Variants in GRIK1 observed in about 807,000 individuals in gnomAD.
GRIK1 encodes glutamate ionotropic receptor kainate type subunit 1, also known as glutamate receptor ionotropic, kainate 1.
Under a neutral mutation model 105.7 loss-of-function variants are expected in GRIK1, and 69 were observed. The observed-to-expected ratio is 0.65, with a 90% CI of 0.54 to 0.80. The LOEUF (loss-of-function observed/expected upper bound fraction) is 0.80, where lower values mean the gene tolerates loss of function less well. GRIK1 is among the 30% of genes least tolerant of loss of function. The probability of loss-of-function intolerance (pLI) is 0.00; values close to 1 mark genes in which losing one functional copy is unlikely to be tolerated. For synonymous variants in GRIK1, 438 were observed against 431.3 expected, an observed-to-expected ratio of 1.02 and a Z score of -0.19; for missense variants, 1,109 against 1,167.3, an observed-to-expected ratio of 0.95 and a Z score of 0.73.
intron 1 of GRIK1, among the ~76,000 whole-genome samples, chr21:29,895,075 G>T (rs1305332010): frequency 6.6e-6 from 1 of 152,140 alleles, no homozygotes; most frequent in East Asian, 1.9e-4. Context: ...GTGGCAGGGG[G>T]CTCAGAAAAG....
At chr21:29,822,194 A>C (rs1183179603) in intron 1 of GRIK1, among the ~76,000 whole-genome samples, 1 of 152,070 alleles carries the variant, frequency 6.6e-6, no homozygotes, top group Non-Finnish European at 1.5e-5. Flanking sequence ...TAATGCAACC[A>C]TTCCACTCTG....
chr21:29,622,081 G>T (rs1282607623), intron 7 of GRIK1, among the ~76,000 whole-genome samples: 1 of 151,882 alleles, frequency 6.6e-6, no homozygotes, highest in Non-Finnish European at 1.5e-5. Context: ...TGAGTAGCTG[G>T]GATTACAGGT....
At chr21:29,561,922 C>A (rs2090490848) in intron 14 of GRIK1, 73 bp from the exon 15 acceptor site, 2 of 810,966 alleles carry the variant, frequency 2.5e-6, no homozygotes, top group East Asian at 2.6e-5. Context: ...TTCAAAGTCC[C>A]AATGGTTCAA....
intron 1 of GRIK1, among the ~76,000 whole-genome samples, chr21:29,695,257 C>T (rs551939843): frequency 2.8e-4 from 43 of 152,206 alleles, no homozygotes; most frequent in South Asian, 1.9e-3. Context: ...TTCTGAGAGA[C>T]GTCCTAGGAT....
chr21:29,724,091 G>C (rs1053742358), intron 1 of GRIK1, among the ~76,000 whole-genome samples: 2 of 152,090 alleles, frequency 1.3e-5, no homozygotes, highest in African/African-American at 2.4e-5. Flanking sequence ...GATCCACTTG[G>C]GCTATGTATA....
At chr21:29,616,040 C>A (rs956145184) in intron 7 of GRIK1, among the ~76,000 whole-genome samples, 8 of 152,170 alleles carry the variant, frequency 5.3e-5, no homozygotes, top group Admixed American at 5.2e-4. Context: ...AGGGCTGAAT[C>A]CAGCACCCAA....
At chr21:29,601,537 C>T (rs936005309) in intron 7 of GRIK1, among the ~76,000 whole-genome samples, 1 of 152,196 alleles carries the variant, frequency 6.6e-6, no homozygotes, top group Non-Finnish European at 1.5e-5. Flanking sequence ...TATGCACAGC[C>T]CCAGCTGGAA....
chr21:29,700,342 T>C (rs1161798919), intron 1 of GRIK1, among the ~76,000 whole-genome samples: 1 of 152,168 alleles, frequency 6.6e-6, no homozygotes, highest in Non-Finnish European at 1.5e-5. Flanking sequence ...CATCTAGACT[T>C]ACAGGAGAAT....
At chr21:29,575,684 T>C (rs1014546723) in intron 14 of GRIK1, among the ~76,000 whole-genome samples, 4 of 151,896 alleles carry the variant, frequency 2.6e-5, no homozygotes, top group African/African-American at 9.7e-5. Context: ...ATACAAAAAT[T>C]AGCCAGGTGT....
chr21:29,601,043 A>G (rs998466405), intron 7 of GRIK1, among the ~76,000 whole-genome samples: 10 of 152,226 alleles, frequency 6.6e-5, no homozygotes, highest in African/African-American at 2.4e-4. Flanking sequence ...ATGCCCAAAT[A>G]TCTAGTCAAA....
chr21:29,863,312 A>C (rs767314038), intron 1 of GRIK1, among the ~76,000 whole-genome samples: 1 of 152,212 alleles, frequency 6.6e-6, no homozygotes, highest in Non-Finnish European at 1.5e-5. Flanking sequence ...CACGTGTGTC[A>C]ACAGCACCCC....
rs79987839 is a variant in GRIK1, at chr21:29,582,215, G to A, written c.1794-672C>T. 457 of 395,162 alleles carry A rather than the reference G, an allele frequency of 1.2e-3. 2 individuals carry two copies. The highest frequency in any genetic ancestry group is 8.7e-3 in the African/African-American group (412 of 47,596). The allele number at this position is 395,162 out of a possible 1,614,324, so 24.5% of individuals were successfully genotyped here. ...TACATTTGGAATTATACTGGTCCAG[G>A]CCTAGTGGTACACATTAGTATTAAC... On this transcript the variant is annotated intron_variant, in intron 12 of 17. Transcript: ENST00000327783.
At chr21:29,549,695 C>T (rs903102416) in intron 16 of GRIK1, among the ~76,000 whole-genome samples, 4 of 151,928 alleles carry the variant, frequency 2.6e-5, no homozygotes, top group African/African-American at 9.7e-5. Flanking sequence ...CTTTCATATT[C>T]AAGTCTTTTG....
At chr21:29,640,761 G>C (rs576610529) in intron 7 of GRIK1, among the ~76,000 whole-genome samples, 2 of 152,266 alleles carry the variant, frequency 1.3e-5, no homozygotes, top group Non-Finnish European at 2.9e-5. Flanking sequence ...AAGAAAACCA[G>C]CTGTTTTCTT....
In GRIK1 at chr21:29,830,300, C is replaced by A. The variant is rs576522391; in HGVS notation, c.118+109083G>T. On this transcript the variant is annotated intron_variant, in intron 1 of 17. Coordinates refer to ENST00000327783, the MANE Select transcript of GRIK1 (RefSeq NM_001330994.2). ...ATTAAGCATTAGATACACACCCACC[C>A]ACCTCCCCACACACACACACACACA... 3.7e-4 allele frequency among the ~76,000 whole-genome samples: 53 copies of A among 144,630 alleles called. 2 individuals carry two copies. Among genetic ancestry groups the A allele is most frequent in the African/African-American group, 1.4e-3 (53 of 38,978 alleles). The allele number at this position is 144,630 out of a possible 152,430, so 94.9% of individuals were successfully genotyped here. A position where few individuals can be genotyped will look rare whatever the true frequency, so the allele number is the denominator to read the frequency against.
intron 16 of GRIK1, among the ~76,000 whole-genome samples, chr21:29,546,490 C>T (rs1395622294): frequency 6.6e-6 from 1 of 152,194 alleles, no homozygotes; most frequent in African/African-American, 2.4e-5. Flanking sequence ...CTTCTTCATC[C>T]TCCCAAGTGT....
chr21:29,619,506 G>A (rs553342245), intron 7 of GRIK1, among the ~76,000 whole-genome samples: 6 of 152,122 alleles, frequency 3.9e-5, no homozygotes, highest in South Asian at 2.1e-4. Flanking sequence ...GGGGTGAGCG[G>A]TAAAATACTA....
At chr21:29,665,723 G>C (rs114297212) in intron 4 of GRIK1, among the ~76,000 whole-genome samples, 2,755 of 152,314 alleles carry the variant, frequency 0.018, 36 homozygotes, top group Middle Eastern at 0.037. Flanking sequence ...CAGATGAGGT[G>C]ACTGAGTTGA....
At chr21:29,865,285 T>C (rs149421637) in intron 1 of GRIK1, among the ~76,000 whole-genome samples, 1 of 121,386 alleles carries the variant, frequency 8.2e-6, no homozygotes, top group African/African-American at 3.2e-5. Context: ...ACTGTGATTA[T>C]TTACGGTACA....
Sources: gnomAD v4.1 joint callset for allele counts (sites outside exome capture counted in the v4.1 genomes callset) on GRCh38, gnomAD v4.1.1 for gene constraint, MANE v1.5 for transcripts, NCBI Gene and HGNC (gene_info 2026-07-23, HGNC 2026-07-21) for gene names.